SLC25A21: variants seen among roughly 807,000 people sequenced by gnomAD.
The protein encoded by SLC25A21 is mitochondrial 2-oxodicarboxylate carrier.
A neutral mutation model predicts 43.8 loss-of-function variants in SLC25A21; 47 were observed. The observed-to-expected ratio is 1.07, with a 90% CI of 0.85 to 1.37. The LOEUF (loss-of-function observed/expected upper bound fraction) is 1.37. Ranked by LOEUF, SLC25A21 falls within the 40% of genes most tolerant of loss-of-function variation. SLC25A21 has a pLI of 0.00. For missense variants in SLC25A21, 352 were observed against 350.2 expected (o/e 1.00, Z -0.04); for synonymous variants, 131 against 121.3 (o/e 1.08, Z -0.52).
chr14:36,881,661 T>A (rs779866762), intron 1 of SLC25A21, among the ~76,000 whole-genome samples: 3 of 152,174 alleles, frequency 2.0e-5, no homozygotes, highest in Non-Finnish European at 2.9e-5. Flanking sequence ...ATAGACGGAC[T>A]GATTGATTGT....
At chr14:36,870,064 C>A (rs1890325606) in intron 2 of SLC25A21, among the ~76,000 whole-genome samples, 1 of 152,116 alleles carries the variant, frequency 6.6e-6, no homozygotes, top group Admixed American at 6.5e-5. Context: ...GAAAAATAAT[C>A]CTTGAGCACT....
chr14:36,779,168 G>T (rs192884872), intron 3 of SLC25A21, among the ~76,000 whole-genome samples: 6,488 of 146,526 alleles, frequency 0.044, 487 homozygotes, highest in African/African-American at 0.15. Flanking sequence ...CTTCTTTAAG[G>T]CTGGATAATA....
At chr14:37,070,659 T>C (rs772137006) in intron 1 of SLC25A21, among the ~76,000 whole-genome samples, 9 of 152,294 alleles carry the variant, frequency 5.9e-5, no homozygotes, top group Non-Finnish European at 1.0e-4. Flanking sequence ...CATGTCTTCA[T>C]TGAGGGCTGC....
intron 2 of SLC25A21, among the ~76,000 whole-genome samples, chr14:36,871,532 A>G (rs1176754395): frequency 6.6e-6 from 1 of 152,248 alleles, no homozygotes; most frequent in East Asian, 1.9e-4. Flanking sequence ...TTACAGCCAC[A>G]TAACCTAGCC....
intron 1 of SLC25A21, among the ~76,000 whole-genome samples, chr14:37,153,598 G>A (rs538134099): frequency 8.5e-5 from 13 of 152,294 alleles, no homozygotes; most frequent in African/African-American, 2.2e-4. Context: ...AGAAAGAAAC[G>A]TGCATTCCCT....
intron 1 of SLC25A21, among the ~76,000 whole-genome samples, chr14:37,109,753 G>A (rs1962984416): frequency 6.6e-6 from 1 of 152,094 alleles, no homozygotes; most frequent in Admixed American, 6.6e-5. Flanking sequence ...AAGAAATAAT[G>A]AGAAGATTAT....
At chr14:36,816,248 G>A (rs909814454) in intron 2 of SLC25A21, among the ~76,000 whole-genome samples, 3 of 152,080 alleles carry the variant, frequency 2.0e-5, no homozygotes, top group Admixed American at 6.6e-5. Flanking sequence ...CAGAGAAGTG[G>A]GAGTTCAGTC....
Position 36,736,558 on chromosome 14 carries a change from G to A in SLC25A21, c.204-1985C>T, listed in dbSNP as rs547779296. Among the ~76,000 whole-genome samples, 7 of 152,156 alleles carry A rather than the reference G, an allele frequency of 4.6e-5. No individual in the cohort carries two copies. The South Asian group carries it at 1.5e-3, about 32-fold the overall frequency. On this transcript the variant is annotated intron_variant, in intron 3 of 9. Transcript: ENST00000331299. ...GAAGTTCTATATATATAATGATAAA[G>A]GTTATTAGTTCTGTTCTTTCTGTGT... is the stretch of plus-strand genomic sequence containing the variant.
At chr14:36,930,490 T>C (rs1177565454) in intron 1 of SLC25A21, among the ~76,000 whole-genome samples, 11 of 152,090 alleles carry the variant, frequency 7.2e-5, no homozygotes, top group Non-Finnish European at 2.9e-5. Context: ...CTCTCTTAAT[T>C]CTAGCCATTC....
intron 1 of SLC25A21, among the ~76,000 whole-genome samples, chr14:36,926,484 T>G (rs1275168965): frequency 6.6e-6 from 1 of 151,924 alleles, no homozygotes; most frequent in African/African-American, 2.4e-5. Flanking sequence ...GAAAGATAAA[T>G]CAGAGAGGTG....
At position 36,843,404 on chromosome 14, in the gene SLC25A21, T is replaced by C. The variant is rs17105502; in HGVS notation, c.120-29403A>G. Among the ~76,000 whole-genome samples, 768 of 152,312 alleles carry C rather than the reference T, an allele frequency of 5.0e-3. 8 individuals are homozygous for C. Among genetic ancestry groups the C allele is most frequent in the African/African-American group, 0.017 (708 of 41,568 alleles). The stretch of plus-strand genomic sequence containing the variant: ...GGAGGATCCTAATCAGGTAGGTAGC[T>C]AGTCAGTGTATTCACTTCACCTACC... On this transcript the variant is annotated intron_variant, in intron 2 of 9. Transcript: ENST00000331299.
chr14:37,093,641 C>T (rs182554373), intron 1 of SLC25A21, among the ~76,000 whole-genome samples: 7 of 152,208 alleles, frequency 4.6e-5, no homozygotes, highest in East Asian at 3.9e-4. Flanking sequence ...AAGAAAGAGG[C>T]TTCCTTTTCA....
chr14:37,109,293 A>G (rs1450928805), intron 1 of SLC25A21, among the ~76,000 whole-genome samples: 1 of 152,102 alleles, frequency 6.6e-6, no homozygotes, highest in Non-Finnish European at 1.5e-5. Context: ...TGAAGGGATC[A>G]TCATAACAAC....
chr14:36,832,505 G>A (rs1399863409), intron 2 of SLC25A21, among the ~76,000 whole-genome samples: 1 of 152,102 alleles, frequency 6.6e-6, no homozygotes, highest in African/African-American at 2.4e-5. Context: ...TTTTATAGTT[G>A]TAGAGGGATT....
At chr14:36,881,812 G>A (rs529212620) in intron 1 of SLC25A21, among the ~76,000 whole-genome samples, 3 of 152,218 alleles carry the variant, frequency 2.0e-5, no homozygotes, top group Admixed American at 2.0e-4. Context: ...TTTAGTAACC[G>A]TTTCAGCAAT....
chr14:37,034,787 A>C (rs1428530245), intron 1 of SLC25A21, among the ~76,000 whole-genome samples: 3 of 152,164 alleles, frequency 2.0e-5, no homozygotes, highest in African/African-American at 7.2e-5. Flanking sequence ...ACAGGTGAAA[A>C]GTGGTAAGAA....
At chr14:36,802,357 C>T (rs1020045969) in intron 3 of SLC25A21, among the ~76,000 whole-genome samples, 54 of 152,206 alleles carry the variant, frequency 3.5e-4, no homozygotes, top group African/African-American at 1.3e-3. Flanking sequence ...CAGAGTTCTA[C>T]ATATTTACAT....
At chr14:37,076,680 G>A (rs1962288092) in intron 1 of SLC25A21, among the ~76,000 whole-genome samples, 1 of 151,604 alleles carries the variant, frequency 6.6e-6, no homozygotes, top group South Asian at 2.1e-4. Context: ...TAGAGACGGG[G>A]TTTCACCATG....
At position 36,940,882 on chromosome 14, in the gene SLC25A21, T is replaced by C. The variant is rs537780529; in HGVS notation, c.71-65878A>G. 7.2e-5 allele frequency among the ~76,000 whole-genome samples: 11 copies of C among 152,266 alleles called. No homozygotes were observed. The South Asian group carries it at 1.0e-3, about 14-fold the overall frequency. On this transcript the variant is annotated intron_variant, in intron 1 of 9. Transcript: ENST00000331299. ...ACTGGAGAAAAGTACTGTGAAGGAA[T>C]TGCAGATATAGAATGACTGGATAGG...
Sources: allele counts gnomAD v4.1 joint callset (sites outside exome capture counted in the v4.1 genomes callset), GRCh38; gene constraint gnomAD v4.1.1; transcripts MANE v1.5; gene names NCBI Gene and HGNC (gene_info 2026-07-23, HGNC 2026-07-21).